Variants in GTF2H2C observed in about 807,000 individuals in gnomAD.
GTF2H2C encodes the protein GTF2H2 family member C, also known as general transcription factor IIH subunit 2-like protein.
Under a neutral mutation model 24.8 loss-of-function variants are expected in GTF2H2C, and 5 were observed. The observed-to-expected ratio is 0.20, with a 90% CI of 0.11 to 0.42. The LOEUF (loss-of-function observed/expected upper bound fraction) is 0.42. Ranked by LOEUF, GTF2H2C falls within the 20% of genes least tolerant of loss-of-function variation. The pLI is 1.00. For missense variants in GTF2H2C, 45 were observed against 169.8 expected (o/e 0.27, Z 4.08); for synonymous variants, 14 against 52.6 (o/e 0.27, Z 3.18).
rs1272314637 is a variant in GTF2H2C at position 69,572,706 on chromosome 5, GT to G, written c.470+158del. ...ATTTATGATGTTTAGTGTGGTGTTGGTTAGTAATTTTTATTTTACATTTTAG... is the reference window on the plus strand; with the variant it reads ...ATTTATGATGTTTAGTGTGGTGTTGGTAGTAATTTTTATTTTACATTTTAG... On this transcript the variant is annotated intron_variant, in intron 9 of 16. Coordinates refer to ENST00000380729, the MANE Select transcript of GTF2H2C (RefSeq NM_001376000.2). The G allele has an allele frequency of 1.2e-5, 3 of 255,734 alleles. No individual in the cohort carries two copies. In the Admixed American group the frequency reaches 2.2e-4, roughly 19 times the overall value. 15.8% of individuals were successfully genotyped at this position (255,734 alleles called of 1,614,324 possible). A position where few individuals can be genotyped will look rare whatever the true frequency, so the allele number is the denominator to read the frequency against.
chr5:69,566,110 A>G, intron 3 of GTF2H2C, 21 bp from the exon 4 acceptor site: 1 of 1,566,482 alleles, frequency 6.4e-7, no homozygotes, highest in Non-Finnish European at 8.7e-7. Context: ...GTCTTTTCAA[A>G]CAAATAATTA....
At position 69,565,165 on chromosome 5, in the gene GTF2H2C, G is replaced by A. The variant is rs1272349760; in HGVS notation, c.33G>A (p.Trp11Ter). MDEEPERTKR[W>*]EGGYERTWEI... Reference sequence around the variant, plus strand: ...AAGAACCTGAAAGAACTAAGCGATGGGAAGGAGGCTATGAAAGAACATGGT... The same window carrying A: ...AAGAACCTGAAAGAACTAAGCGATGAGAAGGAGGCTATGAAAGAACATGGT... Residue 11 changes from tryptophan to a stop codon, truncating the protein, a stop_gained, in exon 3 of 17, where the codon TGG becomes TGA. Transcript: ENST00000380729. LOFTEE classifies it high-confidence loss of function. 1.4e-6 allele frequency: 1 copy of A among 724,860 alleles called. No homozygotes were observed. The highest frequency in any genetic ancestry group is 2.2e-6 in the Non-Finnish European group (1 of 451,912). 44.9% of individuals were successfully genotyped at this position (724,860 alleles called of 1,614,324 possible).
intron 1 of GTF2H2C, among the ~76,000 whole-genome samples, chr5:69,561,759 T>G (rs1390591598): frequency 6.6e-6 from 1 of 151,652 alleles, no homozygotes; most frequent in African/African-American, 2.4e-5. Context: ...TCCTCCCACT[T>G]TTGCTTCCCA....
chr5:69,590,096 G>A (rs1771924183), intron 15 of GTF2H2C, among the ~76,000 whole-genome samples: 1 of 150,606 alleles, frequency 6.6e-6, no homozygotes, highest in East Asian at 2.0e-4. Flanking sequence ...CGTTGGCCAG[G>A]CTGGTCACGA....
intron 1 of GTF2H2C, among the ~76,000 whole-genome samples, chr5:69,560,905 G>C (rs976588505): frequency 2.0e-5 from 3 of 151,652 alleles, no homozygotes; most frequent in African/African-American, 7.3e-5. Context: ...CTACAGGCGC[G>C]TGCCACCACG....
chr5:69,566,590 G>C lies in GTF2H2C; in HGVS notation c.136G>C (p.Val46Leu). Residue 46 changes from valine (V) to leucine (L), a missense_variant and splice_region_variant, in exon 5 of 17, where the codon GTA becomes CTA. Physicochemically the swap from Val to Leu is conservative, Grantham distance 32 (BLOSUM62 1). Transcript: ENST00000380729. ...AAAATGTTTGTATAATTTTAACAGA[G>C]TATTTGAGCACCATGGACAAGTTCG... is the stretch of plus-strand genomic sequence containing the variant. Reference protein sequence around the residue: ...DILFKAKRKRVFEHHGQVRLG... With the variant: ...DILFKAKRKRLFEHHGQVRLG... The C allele has an allele frequency of 2.3e-6, 3 of 1,332,086 alleles. No individual in the cohort carries two copies. The highest frequency in any genetic ancestry group is 3.1e-6 in the Non-Finnish European group (3 of 977,040). The allele number at this position is 1,332,086 out of a possible 1,614,324, so 82.5% of individuals were successfully genotyped here. A position where few individuals can be genotyped will look rare whatever the true frequency, so the allele number is the denominator to read the frequency against.
chr5:69,563,569 G>A (rs1770540141), intron 2 of GTF2H2C, among the ~76,000 whole-genome samples: 1 of 152,028 alleles, frequency 6.6e-6, no homozygotes, highest in South Asian at 2.1e-4. Context: ...CACAGAGTAC[G>A]TGTGCATGTT....
chr5:69,589,851 A>AT lies in GTF2H2C; in HGVS notation c.1029-468dup, dbSNP rs1307648329. Among the ~76,000 whole-genome samples the AT allele has an allele frequency of 2.0e-3, 217 of 107,064 alleles. 2 individuals carry two copies. Among genetic ancestry groups the AT allele is most frequent in the African/African-American group, 7.9e-3 (211 of 26,710 alleles). The allele number at this position is 107,064 out of a possible 152,430, so 70.2% of individuals were successfully genotyped here. A position where few individuals can be genotyped will look rare whatever the true frequency, so the allele number is the denominator to read the frequency against. ...CAGATGACCTTGTATATACTGTGGA[A>AT]TTTTTTTTTAAATTATTGCTATTCT... On this transcript the variant is annotated intron_variant, in intron 15 of 16. Coordinates refer to ENST00000380729, the MANE Select transcript of GTF2H2C (RefSeq NM_001376000.2).
chr5:69,566,447 C>T, intron 4 of GTF2H2C, 142 bp from the exon 5 acceptor site: 2 of 1,413,818 alleles, frequency 1.4e-6, no homozygotes, highest in Non-Finnish European at 1.9e-6. Context: ...TTATTTACTC[C>T]ACTAAAAATG....
intron 9 of GTF2H2C, among the ~76,000 whole-genome samples, chr5:69,573,098 AT>A (rs1771153299): frequency 6.9e-6 from 1 of 145,266 alleles, no homozygotes; most frequent in Admixed American, 7.0e-5. Flanking sequence ...GCTTATATAT[AT>A]GTTAAACTTA....
intron 15 of GTF2H2C, among the ~76,000 whole-genome samples, chr5:69,587,629 CA>C (rs527407623): frequency 7.5e-4 from 67 of 89,900 alleles, no homozygotes; most frequent in Admixed American, 1.5e-3. Flanking sequence ...GAAACTCCAT[CA>C]AAAAAAAAAA....
intron 8 of GTF2H2C, chr5:69,568,764 G>A (rs1580628471): frequency 1.2e-5 from 1 of 85,166 alleles, no homozygotes; most frequent in African/African-American, 4.6e-5. Flanking sequence ...CAAAGTGCTG[G>A]GATTACAGGC....
chr5:69,581,353 ACTTTTGGC>A (rs1771581924), intron 12 of GTF2H2C, among the ~76,000 whole-genome samples: 1 of 116,488 alleles, frequency 8.6e-6, no homozygotes, highest in South Asian at 3.5e-4. Flanking sequence ...ATGCTTTTCT[ACTTTTGGC>A]CTTTTATATT....
intron 3 of GTF2H2C, chr5:69,565,591 CT>C (rs1158205488): frequency 1.0e-5 from 2 of 195,348 alleles, no homozygotes; most frequent in Admixed American, 1.1e-4. Context: ...TATTATAATA[CT>C]GTATTTTTAC....
chr5:69,572,431 T>G lies in GTF2H2C; in HGVS notation c.365-14T>G, dbSNP rs780846626. On this transcript the variant is annotated splice_polypyrimidine_tract_variant and intron_variant, in intron 8 of 16. Coordinates refer to ENST00000380729, the MANE Select transcript of GTF2H2C (RefSeq NM_001376000.2). Reference sequence around the variant, plus strand: ...TATATAGGATTTTATTTAAAGACCTTATTTCTATTTTAGGAAACCCAAGAA... The same window carrying G: ...TATATAGGATTTTATTTAAAGACCTGATTTCTATTTTAGGAAACCCAAGAA... 20 of 1,077,742 alleles carry G rather than the reference T, an allele frequency of 1.9e-5. No homozygotes were observed. The South Asian group carries it at 3.7e-4, about 20-fold the overall frequency. 66.8% of individuals were successfully genotyped at this position (1,077,742 alleles called of 1,614,324 possible).
intron 16 of GTF2H2C, 58 bp downstream of exon 16, chr5:69,590,425 G>A (rs1771947840): frequency 1.1e-5 from 1 of 88,356 alleles, no homozygotes; most frequent in Admixed American, 2.3e-4. Context: ...GAAATCAATG[G>A]TACTATAAGT....
At chr5:69,562,384 A>T (rs1289778086) in intron 1 of GTF2H2C, among the ~76,000 whole-genome samples, 3 of 152,040 alleles carry the variant, frequency 2.0e-5, no homozygotes, top group Admixed American at 6.6e-5. Context: ...GTTTGAGATC[A>T]GCCTGGCAAG....
At chr5:69,561,900 G>T (rs1248540661) in intron 1 of GTF2H2C, among the ~76,000 whole-genome samples, 1 of 152,036 alleles carries the variant, frequency 6.6e-6, no homozygotes, top group South Asian at 2.1e-4. Flanking sequence ...CTCTCAAAGT[G>T]CTGGGATTAC....
In GTF2H2C at chr5:69,565,200, T is replaced by C. The variant is rs1337530983; in HGVS notation, c.56+12T>C. 1 of 655,538 alleles carries C rather than the reference T, an allele frequency of 1.5e-6. No individual in the cohort carries two copies. Among genetic ancestry groups the C allele is most frequent in the South Asian group, 2.2e-5 (1 of 46,258 alleles). The allele number at this position is 655,538 out of a possible 1,614,324, so 40.6% of individuals were successfully genotyped here. A position where few individuals can be genotyped will look rare whatever the true frequency, so the allele number is the denominator to read the frequency against. On this transcript the variant is annotated intron_variant, in intron 3 of 16. Transcript: ENST00000380729. The stretch of plus-strand genomic sequence containing the variant: ...TATGAAAGAACATGGTAAGGAGAGC[T>C]TTATTGCCCTGTCTTTTCTTTTAGA...
Sources: allele counts gnomAD v4.1 joint callset (sites outside exome capture counted in the v4.1 genomes callset), GRCh38; gene constraint gnomAD v4.1.1; transcripts MANE v1.5; gene names NCBI Gene and HGNC (gene_info 2026-07-23, HGNC 2026-07-21).